EIF4G3: variants seen among roughly 807,000 people sequenced by gnomAD.
EIF4G3 encodes eukaryotic translation initiation factor 4 gamma 3, also known as eIF-4-gamma 3.
A neutral mutation model predicts 186.4 loss-of-function variants in EIF4G3; 34 were observed. The ratio of observed to expected loss-of-function variants is 0.18; its 90% CI spans 0.14 to 0.24. The LOEUF (loss-of-function observed/expected upper bound fraction) is 0.24. Ranked by LOEUF, EIF4G3 falls within the 10% of genes least tolerant of loss-of-function variation. EIF4G3 has a pLI of 1.00. For missense variants in EIF4G3, 1,536 were observed against 1,948.5 expected (o/e 0.79, Z 3.99); for synonymous variants, 673 against 679.5 (o/e 0.99, Z 0.15).
intron 8 of EIF4G3, among the ~76,000 whole-genome samples, chr1:20,981,487 T>A (rs887200762): frequency 7.2e-6 from 1 of 138,518 alleles, no homozygotes; most frequent in African/African-American, 2.6e-5. Context: ...TATATATGCA[T>A]ACATACATGT....
intron 7 of EIF4G3, chr1:20,988,248 T>C (rs1279444668): frequency 5.9e-6 from 1 of 170,184 alleles, no homozygotes; most frequent in African/African-American, 2.4e-5. Flanking sequence ...CTTCAAGTTA[T>C]CCAGAAGATC....
Position 20,806,769 on chromosome 1 carries a change from G to C in EIF4G3, c.*550C>G, listed in dbSNP as rs2058175553. On this transcript the variant is annotated 3_prime_UTR_variant, in exon 37 of 37. Transcript: ENST00000602326. ...TTTTAAATTTTCTGAAGCAAGCTGA[G>C]AGGCAGGCAGAAAGATTTGATGCCA... The C allele has an allele frequency of 6.6e-6, 1 of 150,928 alleles. No individual in the cohort carries two copies. Among genetic ancestry groups the C allele is most frequent in the African/African-American group, 2.4e-5 (1 of 40,934 alleles). The allele number at this position is 150,928 out of a possible 1,614,324, so 9.3% of individuals were successfully genotyped here. A position where few individuals can be genotyped will look rare whatever the true frequency, so the allele number is the denominator to read the frequency against.
intron 20 of EIF4G3, 136 bp downstream of exon 20, chr1:20,879,181 TAATGAG>T (rs2081641919): frequency 3.4e-6 from 2 of 587,620 alleles, no homozygotes; most frequent in Admixed American, 4.2e-5. Flanking sequence ...TTGTCTTTAA[TAATGAG>T]AATATTATAT....
At chr1:21,161,678 G>A (rs1443945143) in intron 2 of EIF4G3, 1 of 151,754 alleles carries the variant, frequency 6.6e-6, no homozygotes, top group African/African-American at 2.4e-5. Context: ...AAAAGTTGGA[G>A]ATAGGCCGTG....
At chr1:21,011,466 C>T (rs1023433404) in intron 4 of EIF4G3, among the ~76,000 whole-genome samples, 1 of 152,154 alleles carries the variant, frequency 6.6e-6, no homozygotes, top group African/African-American at 2.4e-5. Flanking sequence ...GCCAGAAAAA[C>T]CACATCGATA....
chr1:20,822,813 T>C (rs1034836540), intron 33 of EIF4G3, among the ~76,000 whole-genome samples: 7 of 152,188 alleles, frequency 4.6e-5, no homozygotes, highest in Non-Finnish European at 4.4e-5. Flanking sequence ...TTTGTTTTCA[T>C]TCAGTTAAAA....
At chr1:21,065,433 G>A (rs1442348571) in intron 3 of EIF4G3, among the ~76,000 whole-genome samples, 2 of 151,356 alleles carry the variant, frequency 1.3e-5, no homozygotes, top group African/African-American at 2.4e-5. Context: ...ATGGTGGTGT[G>A]CACTTGTAGT....
intron 13 of EIF4G3, among the ~76,000 whole-genome samples, chr1:20,944,387 G>A (rs905498234): frequency 2.6e-5 from 4 of 151,916 alleles, no homozygotes; most frequent in African/African-American, 9.7e-5. Flanking sequence ...AGGTGGCGCA[G>A]ACCTGTAGAC....
At chr1:20,821,602 T>C (rs1403188349) in intron 33 of EIF4G3, among the ~76,000 whole-genome samples, 3 of 152,068 alleles carry the variant, frequency 2.0e-5, no homozygotes, top group African/African-American at 4.8e-5. Context: ...TTCCCTATTA[T>C]GTATACATCA....
At position 20,862,350 on chromosome 1, in the gene EIF4G3, A is replaced by G. The variant is rs2076550624; in HGVS notation, c.3007-18T>C. On this transcript the variant is annotated intron_variant, in intron 22 of 36. Coordinates refer to ENST00000602326, the MANE Select transcript of EIF4G3 (RefSeq NM_001391906.1). ...ATACGTGGCTGCAAGAGACAAAATCATTAGTACTCCTGTCTGAGAAACTTA... is the reference window on the plus strand; with the variant it reads ...ATACGTGGCTGCAAGAGACAAAATCGTTAGTACTCCTGTCTGAGAAACTTA... 1.4e-6 allele frequency: 2 copies of G among 1,410,276 alleles called. No individual in the cohort carries two copies. Among genetic ancestry groups the G allele is most frequent in the Non-Finnish European group, 2.0e-6 (2 of 1,012,204 alleles). 87.4% of individuals were successfully genotyped at this position (1,410,276 alleles called of 1,614,324 possible). A position where few individuals can be genotyped will look rare whatever the true frequency, so the allele number is the denominator to read the frequency against.
Position 20,899,887 on chromosome 1 carries a change from T to A in EIF4G3, c.1809A>T (p.Lys603Asn). ...IDKVLESEQD[K>N]MSQGFHPERD... ...TTTCAGGATGAAACCCCTGGCTCAT[T>A]TTATCTTGTTCAGATTCAAGTACTT... The change falls in exon 16 of 37, where the codon AAA becomes AAT. Residue 603 changes from lysine to asparagine, a missense_variant. Around this residue, in one of 11 missense-constraint regions of EIF4G3, gnomAD observed 560 missense variants for 547.8 expected, o/e 1.02. Transcript: ENST00000602326. 1 of 1,614,096 alleles carries A rather than the reference T, an allele frequency of 6.2e-7. No individual in the cohort carries two copies. The highest frequency in any genetic ancestry group is 8.5e-7 in the Non-Finnish European group (1 of 1,180,006).
chr1:21,014,551 T>C (rs2088258657), intron 4 of EIF4G3, among the ~76,000 whole-genome samples: 1 of 152,160 alleles, frequency 6.6e-6, no homozygotes, highest in Admixed American at 6.5e-5. Context: ...TAGCTCCCAC[T>C]TGTAAGTGAC....
Position 21,116,622 on chromosome 1 carries a change from A to G in EIF4G3, c.-271-27409T>C, listed in dbSNP as rs187864898. 1.1e-3 allele frequency among the ~76,000 whole-genome samples: 169 copies of G among 152,098 alleles called. 1 individual carries two copies. The highest frequency in any genetic ancestry group is 4.0e-3 in the African/African-American group (164 of 41,478). ...GGAGGCTGAGGGGGGTGCGGATCACAGGGTCAGGAGTTCGAGACCAGCCTG... is the reference window on the plus strand; with the variant it reads ...GGAGGCTGAGGGGGGTGCGGATCACGGGGTCAGGAGTTCGAGACCAGCCTG... On this transcript the variant is annotated intron_variant, in intron 2 of 36. Coordinates refer to ENST00000602326, the MANE Select transcript of EIF4G3 (RefSeq NM_001391906.1).
chr1:21,174,798 C>T (rs1390658367), intron 2 of EIF4G3: 1 of 152,166 alleles, frequency 6.6e-6, no homozygotes, highest in Non-Finnish European at 1.5e-5. Flanking sequence ...AGGATAAAAA[C>T]ATTATGAAAT....
chr1:20,850,336 T>C (rs995358548), intron 28 of EIF4G3, among the ~76,000 whole-genome samples: 15 of 152,166 alleles, frequency 9.9e-5, no homozygotes, highest in African/African-American at 3.4e-4. Flanking sequence ...ATTTCAAAAG[T>C]ATCTAGCACA....
intron 4 of EIF4G3, among the ~76,000 whole-genome samples, chr1:21,032,470 G>T (rs2092826877): frequency 6.6e-6 from 1 of 151,964 alleles, no homozygotes; most frequent in South Asian, 2.1e-4. Context: ...AATAGATAGT[G>T]CATCCTCTCT....
chr1:21,139,556 G>C (rs899091136), intron 2 of EIF4G3, among the ~76,000 whole-genome samples: 1 of 152,130 alleles, frequency 6.6e-6, no homozygotes, highest in Non-Finnish European at 1.5e-5. Flanking sequence ...CAAATAACAA[G>C]GCAAAAACCA....
chr1:20,859,649 G>A (rs2154551638), intron 24 of EIF4G3, among the ~76,000 whole-genome samples: 1 of 152,292 alleles, frequency 6.6e-6, no homozygotes, highest in South Asian at 2.1e-4. Context: ...CCCCAGGCTG[G>A]AGTGCAGTGG....
chr1:21,055,251 GA>G (rs1269409473), intron 3 of EIF4G3, among the ~76,000 whole-genome samples: 1 of 151,972 alleles, frequency 6.6e-6, no homozygotes, highest in Non-Finnish European at 1.5e-5. Context: ...ACCTCAATAT[GA>G]ATACACATTT....
Sources: gnomAD v4.1 joint callset for allele counts (sites outside exome capture counted in the v4.1 genomes callset) on GRCh38, gnomAD v4.1.1 for gene constraint, gnomAD v4.1.1 regional missense constraint, MANE v1.5 for transcripts, NCBI Gene and HGNC (gene_info 2026-07-23, HGNC 2026-07-21) for gene names.